Variants in RAD51B observed in about 807,000 individuals in gnomAD.
The protein encoded by RAD51B is RAD51 paralog B.
In RAD51B, 38 loss-of-function variants were observed where a neutral mutation model predicts 42.2. The ratio of observed to expected loss-of-function variants is 0.90; its 90% CI spans 0.70 to 1.18. The LOEUF is 1.18. Among genes scored for constraint, RAD51B ranks in the 50% most tolerant of loss-of-function variants. The probability of loss-of-function intolerance (pLI) is 0.00; values close to 1 mark genes in which losing one functional copy is unlikely to be tolerated. For missense variants in RAD51B, 373 were observed against 400.7 expected (o/e 0.93, Z 0.59); for synonymous variants, 154 against 145.2 (o/e 1.06, Z -0.43).
At position 68,346,577 on chromosome 14, in the gene RAD51B, C is replaced by T. The variant is rs116762791; in HGVS notation, c.853+54597C>T. Among the ~76,000 whole-genome samples, 163 of 152,342 alleles carry T rather than the reference C, an allele frequency of 1.1e-3. 1 individual carries two copies. The highest frequency in any genetic ancestry group is 6.8e-3 in the Middle Eastern group (2 of 294). The stretch of plus-strand genomic sequence containing the variant: ...CTGCTGCCTGAACTAATCCAGCAGT[C>T]GCACTCTGTAGCCCTTCAGTCCCTC... On this transcript the variant is annotated intron_variant, in intron 8 of 10. Transcript: ENST00000471583.
chr14:68,295,123 C>T (rs1421125727), intron 8 of RAD51B, among the ~76,000 whole-genome samples: 2 of 152,092 alleles, frequency 1.3e-5, no homozygotes, highest in East Asian at 3.8e-4. Context: ...TTCAGTTTGC[C>T]CTCTCATTCC....
chr14:68,576,455 A>G (rs913108805), intron 10 of RAD51B, among the ~76,000 whole-genome samples: 6 of 152,212 alleles, frequency 3.9e-5, no homozygotes, highest in African/African-American at 1.2e-4. Context: ...AGCCCCCACT[A>G]GAAGGTTGAG....
chr14:68,489,013 G>A (rs1883860059), intron 10 of RAD51B, among the ~76,000 whole-genome samples: 1 of 152,082 alleles, frequency 6.6e-6, no homozygotes, highest in Admixed American at 6.5e-5. Flanking sequence ...GAGTGCAATG[G>A]CGCAATCTCA....
intron 7 of RAD51B, among the ~76,000 whole-genome samples, chr14:68,151,246 T>G (rs979360416): frequency 3.9e-5 from 6 of 151,916 alleles, no homozygotes; most frequent in Non-Finnish European, 8.8e-5. Context: ...GTATTTTGAC[T>G]TTTATTGTTT....
At chr14:68,531,079 A>T (rs1457604754) in intron 10 of RAD51B, among the ~76,000 whole-genome samples, 1 of 152,036 alleles carries the variant, frequency 6.6e-6, no homozygotes, top group Non-Finnish European at 1.5e-5. Context: ...AGAAAAGAAC[A>T]TCAATCTATA....
intron 4 of RAD51B, among the ~76,000 whole-genome samples, chr14:67,837,167 A>G (rs2140301852): frequency 6.6e-6 from 1 of 152,150 alleles, no homozygotes; most frequent in East Asian, 1.9e-4. Flanking sequence ...ACACACACAC[A>G]CACGCACACA....
chr14:68,653,366 C>T (rs1044292215), intron 11 of RAD51B, among the ~76,000 whole-genome samples: 1 of 151,872 alleles, frequency 6.6e-6, no homozygotes, highest in African/African-American at 2.4e-5. Flanking sequence ...ATAGCAAGAC[C>T]CTGTCTTTCA....
intron 10 of RAD51B, among the ~76,000 whole-genome samples, chr14:68,505,502 A>G (rs1885244924): frequency 6.7e-6 from 1 of 150,296 alleles, no homozygotes; most frequent in Non-Finnish European, 1.5e-5. Flanking sequence ...ATTAAGTCCC[A>G]TCTGGCTCTT....
intron 5 of RAD51B, among the ~76,000 whole-genome samples, chr14:67,868,092 C>T (rs865884554): frequency 1.3e-5 from 2 of 152,094 alleles, no homozygotes; most frequent in African/African-American, 4.8e-5. Flanking sequence ...CCAAGATGGC[C>T]GAATAGGAAC....
chr14:68,345,115 T>C (rs989726573), intron 8 of RAD51B, among the ~76,000 whole-genome samples: 10 of 152,300 alleles, frequency 6.6e-5, no homozygotes, highest in Admixed American at 5.9e-4. Flanking sequence ...TTGTTTTTGA[T>C]CTTACAGGCT....
intron 7 of RAD51B, among the ~76,000 whole-genome samples, chr14:67,938,968 AC>A (rs2045058459): frequency 1.3e-5 from 2 of 152,202 alleles, no homozygotes; most frequent in African/African-American, 2.4e-5. Context: ...GATCAAAAGA[AC>A]AATATTTGTT....
At position 68,387,793 on chromosome 14, in the gene RAD51B, T is replaced by G. The variant is rs2083631243; in HGVS notation, c.854-23631T>G. Among the ~76,000 whole-genome samples, 3 of 152,202 alleles carry G rather than the reference T, an allele frequency of 2.0e-5. No homozygotes were observed. In the South Asian group the frequency reaches 6.2e-4, roughly 32 times the overall value. On this transcript the variant is annotated intron_variant, in intron 8 of 10. Transcript: ENST00000471583. ...TCTACCACTACAACCACTAAATAGCTGCACTGTCGCTACATAGCCACCACC... is the reference window on the plus strand; with the variant it reads ...TCTACCACTACAACCACTAAATAGCGGCACTGTCGCTACATAGCCACCACC...
intron 7 of RAD51B, among the ~76,000 whole-genome samples, chr14:67,997,765 C>T (rs2140304387): frequency 6.6e-6 from 1 of 152,314 alleles, no homozygotes; most frequent in African/African-American, 2.4e-5. Context: ...TACTGTTCCA[C>T]AGATCAGCGA....
intron 4 of RAD51B, among the ~76,000 whole-genome samples, chr14:67,861,440 A>AC (rs1057476205): frequency 9.9e-5 from 15 of 151,850 alleles, no homozygotes; most frequent in African/African-American, 2.9e-4. Context: ...GGAGTTCAAG[A>AC]CCAGCCTGGG....
At chr14:68,066,757 A>G (rs1045160472) in intron 7 of RAD51B, among the ~76,000 whole-genome samples, 1 of 152,168 alleles carries the variant, frequency 6.6e-6, no homozygotes, top group East Asian at 1.9e-4. Flanking sequence ...CCTTATCTCT[A>G]AAATATAAAA....
At chr14:68,354,730 T>A (rs1034619538) in intron 8 of RAD51B, among the ~76,000 whole-genome samples, 2 of 152,040 alleles carry the variant, frequency 1.3e-5, no homozygotes, top group Non-Finnish European at 2.9e-5. Context: ...TAATTTTTTT[T>A]TTTTAATTAT....
chr14:68,436,418 T>G (rs2085149382), intron 9 of RAD51B, among the ~76,000 whole-genome samples: 1 of 152,234 alleles, frequency 6.6e-6, no homozygotes, highest in Non-Finnish European at 1.5e-5. Flanking sequence ...TTTGGGTTAC[T>G]GTAGCATTAT....
intron 7 of RAD51B, among the ~76,000 whole-genome samples, chr14:68,184,204 AC>A (rs1216268460): frequency 6.6e-6 from 1 of 151,826 alleles, no homozygotes; most frequent in Non-Finnish European, 1.5e-5. Flanking sequence ...GATCACTTGA[AC>A]CCAAGAGTGC....
intron 7 of RAD51B, among the ~76,000 whole-genome samples, chr14:67,936,648 GT>G (rs2044964580): frequency 6.6e-6 from 1 of 152,178 alleles, no homozygotes; most frequent in African/African-American, 2.4e-5. Flanking sequence ...GCAGCTCTGT[GT>G]TTAATAATTT....
Sources: gnomAD v4.1 joint callset for allele counts (sites outside exome capture counted in the v4.1 genomes callset) on GRCh38, gnomAD v4.1.1 for gene constraint, MANE v1.5 for transcripts, NCBI Gene and HGNC (gene_info 2026-07-23, HGNC 2026-07-21) for gene names.